BCL2: variants seen among roughly 807,000 people sequenced by gnomAD.
BCL2 encodes BCL2 apoptosis regulator.
In BCL2, 1 loss-of-function variant was observed where a neutral mutation model predicts 14.2. The observed-to-expected ratio is 0.07, with a 90% CI of 0.02 to 0.33. The LOEUF (loss-of-function observed/expected upper bound fraction) is 0.33, where lower values mean the gene tolerates loss of function less well. Ranked by LOEUF, BCL2 falls within the 10% of genes least tolerant of loss-of-function variation. BCL2 has a pLI of 0.99. For missense variants in BCL2, 247 were observed against 305.9 expected (o/e 0.81, Z 1.44); for synonymous variants, 151 against 137.2 (o/e 1.10, Z -0.70).
In BCL2 at chr18:63,127,904, T is replaced by TA. The variant is rs1329240811; in HGVS notation, c.*720dup. 1.3e-5 allele frequency: 3 copies of TA among 225,282 alleles called. No individual in the cohort carries two copies. Among genetic ancestry groups the TA allele is most frequent in the East Asian group, 6.4e-5 (1 of 15,672 alleles). The allele number at this position is 225,282 out of a possible 1,614,324, so 14.0% of individuals were successfully genotyped here. A position where few individuals can be genotyped will look rare whatever the true frequency, so the allele number is the denominator to read the frequency against. ...GCTTTTCTCGGCACAATTGGTAGCTTAAAAAAATACTTTCCTATGATTTAA... is the reference window on the plus strand; with the variant it reads ...GCTTTTCTCGGCACAATTGGTAGCTTAAAAAAAATACTTTCCTATGATTTAA... On this transcript the variant is annotated 3_prime_UTR_variant, in exon 3 of 3. Coordinates refer to ENST00000333681, the MANE Select transcript of BCL2 (RefSeq NM_000633.3).
At chr18:63,213,096 C>T (rs1910091914) in intron 2 of BCL2, among the ~76,000 whole-genome samples, 1 of 152,136 alleles carries the variant, frequency 6.6e-6, no homozygotes, top group Admixed American at 6.5e-5. Context: ...GCAGGTAGGC[C>T]GATTCCTGCT....
At chr18:63,260,368 G>A (rs1218987944) in intron 2 of BCL2, among the ~76,000 whole-genome samples, 1 of 152,106 alleles carries the variant, frequency 6.6e-6, no homozygotes, top group Non-Finnish European at 1.5e-5. Flanking sequence ...CCAAGTTCTG[G>A]ATTTATTATG....
chr18:63,293,909 T>C (rs1352494433), intron 2 of BCL2, among the ~76,000 whole-genome samples: 2 of 152,162 alleles, frequency 1.3e-5, no homozygotes, highest in South Asian at 4.1e-4. Context: ...TTTAAATCTT[T>C]TTTAGGAAGC....
At chr18:63,198,842 C>T (rs544388293) in intron 2 of BCL2, among the ~76,000 whole-genome samples, 1 of 142,138 alleles carries the variant, frequency 7.0e-6, no homozygotes, top group African/African-American at 2.6e-5. Context: ...CACAGACACA[C>T]ATAGACACAG....
Position 63,127,677 on chromosome 18 carries a change from T to C in BCL2, c.*948A>G, listed in dbSNP as rs781507624. 4.4e-6 allele frequency: 1 copy of C among 229,172 alleles called. No homozygotes were observed. Among genetic ancestry groups the C allele is most frequent in the East Asian group, 6.2e-5 (1 of 16,174 alleles). 14.2% of individuals were successfully genotyped at this position (229,172 alleles called of 1,614,324 possible). A position where few individuals can be genotyped will look rare whatever the true frequency, so the allele number is the denominator to read the frequency against. ...ACTTCGGTCTCCTAAAAGCAGGCAC[T>C]TGTGGCGGCCTGATGCTCTGGGTAA... On this transcript the variant is annotated 3_prime_UTR_variant, in exon 3 of 3. Transcript: ENST00000333681.
rs867724491 is a variant in BCL2, at chr18:63,319,262, T to G, written c.-375A>C. On this transcript the variant is annotated 5_prime_UTR_variant, in exon 1 of 3. Coordinates refer to ENST00000333681, the MANE Select transcript of BCL2 (RefSeq NM_000633.3). ...GCATAAGGCAACGATCCCATCAATCTTCAGCACTCTCCAGTTATAGCTGAT... is the reference window on the plus strand; with the variant it reads ...GCATAAGGCAACGATCCCATCAATCGTCAGCACTCTCCAGTTATAGCTGAT... The G allele has an allele frequency of 1.3e-4, 31 of 233,138 alleles. No individual in the cohort carries two copies. The highest frequency in any genetic ancestry group is 6.2e-4 in the African/African-American group (28 of 45,140). The allele number at this position is 233,138 out of a possible 1,614,324, so 14.4% of individuals were successfully genotyped here.
At chr18:63,187,968 C>T (rs1485623199) in intron 2 of BCL2, among the ~76,000 whole-genome samples, 1 of 152,160 alleles carries the variant, frequency 6.6e-6, no homozygotes, top group East Asian at 1.9e-4. Context: ...CCATTTGGCC[C>T]CTGCTCATAG....
At chr18:63,181,957 G>A (rs1023544535) in intron 2 of BCL2, among the ~76,000 whole-genome samples, 1 of 152,188 alleles carries the variant, frequency 6.6e-6, no homozygotes, top group East Asian at 1.9e-4. Context: ...TTTTGCTGGG[G>A]ATCTCCAGGC....
chr18:63,213,394 T>C (rs1000611871), intron 2 of BCL2, among the ~76,000 whole-genome samples: 1 of 152,090 alleles, frequency 6.6e-6, no homozygotes, highest in African/African-American at 2.4e-5. Context: ...CACCCCTCAC[T>C]GCTGATGAAC....
intron 2 of BCL2, among the ~76,000 whole-genome samples, chr18:63,200,404 G>T (rs371655644): frequency 6.6e-6 from 1 of 152,190 alleles, no homozygotes; most frequent in African/African-American, 2.4e-5. Flanking sequence ...TATCCCAAAA[G>T]GGGCAATACA....
intron 2 of BCL2, among the ~76,000 whole-genome samples, chr18:63,253,562 C>T (rs1446894078): frequency 6.6e-6 from 1 of 152,100 alleles, no homozygotes. Flanking sequence ...GGGCAAAACC[C>T]CTCCCTAAAC....
intron 2 of BCL2, among the ~76,000 whole-genome samples, chr18:63,155,459 G>C (rs1309130563): frequency 6.6e-6 from 1 of 152,082 alleles, no homozygotes; most frequent in Non-Finnish European, 1.5e-5. Flanking sequence ...CTTAGTGGGG[G>C]TGAGCTTGGT....
intron 2 of BCL2, among the ~76,000 whole-genome samples, chr18:63,182,909 T>C (rs1915510780): frequency 1.3e-5 from 2 of 152,182 alleles, no homozygotes; most frequent in African/African-American, 4.8e-5. Context: ...CTGTAGCCCA[T>C]CAGGGGAGAG....
At chr18:63,250,070 C>A (rs1911266392) in intron 2 of BCL2, among the ~76,000 whole-genome samples, 1 of 152,174 alleles carries the variant, frequency 6.6e-6, no homozygotes, top group South Asian at 2.1e-4. Flanking sequence ...GTGCCAGGAT[C>A]TGAGCCAAGA....
chr18:63,295,706 T>C (rs1189507646), intron 2 of BCL2, among the ~76,000 whole-genome samples: 1 of 152,126 alleles, frequency 6.6e-6, no homozygotes, highest in Non-Finnish European at 1.5e-5. Context: ...CTCCTCTTCT[T>C]GATCAATTCT....
chr18:63,193,639 C>A (rs1909356451), intron 2 of BCL2, among the ~76,000 whole-genome samples: 1 of 151,274 alleles, frequency 6.6e-6, no homozygotes, highest in Non-Finnish European at 1.5e-5. Flanking sequence ...CAAATACACA[C>A]ACACATATAT....
chr18:63,219,902 G>A (rs912218999), intron 2 of BCL2, among the ~76,000 whole-genome samples: 4 of 152,062 alleles, frequency 2.6e-5, no homozygotes, highest in East Asian at 1.9e-4. Context: ...ATATACTAGC[G>A]GTAAAATCCG....
At chr18:63,181,591 G>C (rs1285626856) in intron 2 of BCL2, among the ~76,000 whole-genome samples, 1 of 152,218 alleles carries the variant, frequency 6.6e-6, no homozygotes, top group African/African-American at 2.4e-5. Flanking sequence ...CAGAGAGAAC[G>C]AAGTTATGGG....
At chr18:63,246,377 T>C (rs1271753382) in intron 2 of BCL2, among the ~76,000 whole-genome samples, 4 of 152,236 alleles carry the variant, frequency 2.6e-5, no homozygotes, top group Admixed American at 2.0e-4. Context: ...GTGTTCACGC[T>C]GCTGGTAAAG....
Sources: allele counts gnomAD v4.1 joint callset (sites outside exome capture counted in the v4.1 genomes callset), GRCh38; gene constraint gnomAD v4.1.1; transcripts MANE v1.5; gene names NCBI Gene and HGNC (gene_info 2026-07-23, HGNC 2026-07-21).